ZNF804B: variants seen among roughly 807,000 people sequenced by gnomAD.
ZNF804B encodes zinc finger 804B.
A neutral mutation model predicts 101.4 loss-of-function variants in ZNF804B; 80 were observed. That is an observed-to-expected ratio of 0.79 (90% CI 0.66 to 0.95). The LOEUF (loss-of-function observed/expected upper bound fraction) is 0.95. ZNF804B is among the 40% of genes least tolerant of loss of function. The pLI, the probability that ZNF804B is intolerant of heterozygous loss-of-function variation, is 0.00. For synonymous variants in ZNF804B, 622 were observed against 558.8 expected, an observed-to-expected ratio of 1.11 and a Z score of -1.59; for missense variants, 1,673 against 1,561.9, an observed-to-expected ratio of 1.07 and a Z score of -1.20.
intron 1 of ZNF804B, among the ~76,000 whole-genome samples, chr7:88,934,898 T>C (rs370513725): frequency 1.5e-3 from 222 of 151,962 alleles, no homozygotes; most frequent in African/African-American, 5.1e-3. Context: ...GAGGAAAATA[T>C]ATTGTTATAC....
At chr7:88,765,058 G>C (rs1789959256) in intron 1 of ZNF804B, among the ~76,000 whole-genome samples, 1 of 151,910 alleles carries the variant, frequency 6.6e-6, no homozygotes, top group African/African-American at 2.4e-5. Context: ...ATGCTAGTTG[G>C]TACCTTCCAG....
At chr7:89,250,805 G>A (rs995914616) in intron 2 of ZNF804B, among the ~76,000 whole-genome samples, 1 of 152,118 alleles carries the variant, frequency 6.6e-6, no homozygotes, top group Non-Finnish European at 1.5e-5. Context: ...ATCAATAAAT[G>A]TGATTCACCA....
intron 1 of ZNF804B, among the ~76,000 whole-genome samples, chr7:89,095,752 T>A (rs1789963043): frequency 6.6e-6 from 1 of 152,210 alleles, no homozygotes; most frequent in Non-Finnish European, 1.5e-5. Context: ...TTTACATTTG[T>A]TTCCTGTTAA....
intron 1 of ZNF804B, among the ~76,000 whole-genome samples, chr7:89,033,763 CTAAT>C (rs142270620): frequency 0.037 from 5,592 of 151,672 alleles, 329 homozygotes; most frequent in African/African-American, 0.13. Flanking sequence ...GTTCTAAAAA[CTAAT>C]TAGGGTTAAA....
chr7:89,074,499 C>T (rs534883882), intron 1 of ZNF804B, among the ~76,000 whole-genome samples: 2 of 152,108 alleles, frequency 1.3e-5, no homozygotes, highest in Non-Finnish European at 2.9e-5. Context: ...CTTTGCCTGC[C>T]CTCATCCATG....
chr7:88,890,445 T>C, intron 1 of ZNF804B, among the ~76,000 whole-genome samples: 1 of 152,160 alleles, frequency 6.6e-6, no homozygotes, highest in Admixed American at 6.5e-5. Context: ...GCTTTGTAAA[T>C]TGCCAAAATG....
At chr7:89,220,179 G>GGA (rs138534035) in intron 2 of ZNF804B, among the ~76,000 whole-genome samples, 1 of 45,214 alleles carries the variant, frequency 2.2e-5, no homozygotes, top group African/African-American at 9.9e-5. Context: ...ATATATGTGT[G>GGA]TATATATATA....
intron 1 of ZNF804B, among the ~76,000 whole-genome samples, chr7:89,109,139 T>C (rs1488731164): frequency 1.3e-5 from 2 of 150,988 alleles, no homozygotes; most frequent in Non-Finnish European, 3.0e-5. Flanking sequence ...GCATTACTTG[T>C]AATTACCAGG....
intron 1 of ZNF804B, among the ~76,000 whole-genome samples, chr7:88,854,522 C>CTTTCCT (rs71526619): frequency 4.8e-4 from 27 of 56,184 alleles, no homozygotes; most frequent in African/African-American, 1.5e-3. Flanking sequence ...CTTTCCTTTC[C>CTTTCCT]TTCCTTTCCT....
intron 1 of ZNF804B, among the ~76,000 whole-genome samples, chr7:89,184,636 T>A (rs1788348834): frequency 6.6e-6 from 1 of 152,170 alleles, no homozygotes; most frequent in Non-Finnish European, 1.5e-5. Context: ...CAGAAATGGA[T>A]TTGATCACTG....
intron 1 of ZNF804B, among the ~76,000 whole-genome samples, chr7:88,804,164 G>A (rs541305679): frequency 6.6e-6 from 1 of 152,260 alleles, no homozygotes; most frequent in East Asian, 1.9e-4. Flanking sequence ...CAAGCATTGA[G>A]TGGATCAAAG....
At chr7:88,942,858 T>C (rs1450684449) in intron 1 of ZNF804B, among the ~76,000 whole-genome samples, 1 of 151,918 alleles carries the variant, frequency 6.6e-6, no homozygotes, top group Non-Finnish European at 1.5e-5. Context: ...CTGAGTATCT[T>C]ATGGCACTGA....
intron 1 of ZNF804B, among the ~76,000 whole-genome samples, chr7:88,810,494 G>T (rs1790767405): frequency 6.8e-6 from 1 of 146,496 alleles, no homozygotes. Context: ...CTCTACAAAA[G>T]TCCAAAAAAA....
At chr7:88,833,666 A>G (rs1299205446) in intron 1 of ZNF804B, among the ~76,000 whole-genome samples, 2 of 151,934 alleles carry the variant, frequency 1.3e-5, no homozygotes, top group Non-Finnish European at 1.5e-5. Flanking sequence ...TTGTTTTATT[A>G]TTAACTTAAT....
At position 89,015,307 on chromosome 7, in the gene ZNF804B, CT is replaced by C. The variant is rs1026927722; in HGVS notation, c.109-202839del. Among the ~76,000 whole-genome samples, 197 of 148,038 alleles carry C rather than the reference CT, an allele frequency of 1.3e-3. 1 individual carries two copies. The highest frequency in any genetic ancestry group is 4.1e-3 in the African/African-American group (166 of 40,308). On this transcript the variant is annotated intron_variant, in intron 1 of 3. Coordinates refer to ENST00000333190, the MANE Select transcript of ZNF804B (RefSeq NM_181646.5). Reference sequence around the variant, plus strand: ...ATGACTGTAGCTTTGTTTCTTTTTTCTTTTTTTTTAATTATTTTATTTTTAT... The same window carrying C: ...ATGACTGTAGCTTTGTTTCTTTTTTCTTTTTTTTAATTATTTTATTTTTAT...
At chr7:89,059,699 A>T (rs1035678609) in intron 1 of ZNF804B, among the ~76,000 whole-genome samples, 1 of 152,290 alleles carries the variant, frequency 6.6e-6, no homozygotes, top group Admixed American at 6.5e-5. Flanking sequence ...AGACATATGT[A>T]TGCATACCAA....
chr7:89,061,682 C>T (rs1419923367), intron 1 of ZNF804B, among the ~76,000 whole-genome samples: 1 of 152,012 alleles, frequency 6.6e-6, no homozygotes, highest in East Asian at 1.9e-4. Flanking sequence ...AGTTTCATTT[C>T]ATAAGTTTTA....
Position 89,077,086 on chromosome 7 carries a change from G to GAAGCGCTATCTACACAGCCAATGTAGA in ZNF804B, c.109-141068_109-141067insAGCGCTATCTACACAGCCAATGTAGAA, listed in dbSNP as rs144602940. 2.6e-5 allele frequency among the ~76,000 whole-genome samples: 4 copies of GAAGCGCTATCTACACAGCCAATGTAGA among 152,066 alleles called. No individual in the cohort carries two copies. In the East Asian group the frequency reaches 7.8e-4, roughly 30 times the overall value. On this transcript the variant is annotated intron_variant, in intron 1 of 3. Transcript: ENST00000333190. ...GGAGGATATCTGAAACAGTGATGAT[G>GAAGCGCTATCTACACAGCCAATGTAGA]ATGTTCCCTTGATGTTGCTTTCCCT...
Position 89,335,959 on chromosome 7 carries a change from C to A in ZNF804B, c.2977C>A (p.Gln993Lys), listed in dbSNP as rs1442205419. 6.2e-7 allele frequency: 1 copy of A among 1,613,978 alleles called. No homozygotes were observed. The highest frequency in any genetic ancestry group is 8.5e-7 in the Non-Finnish European group (1 of 1,179,980). ...GTATGCAAGTGAGAGCAGAAATGAT[C>A]AAGACAGTGCAATTCCAAGGACTAC... ...IQYASESRND[Q>K]DSAIPRTTEK... Residue 993 changes from glutamine to lysine, a missense_variant, in exon 4 of 4, where the codon CAA becomes AAA. Transcript: ENST00000333190.
Sources: allele counts gnomAD v4.1 joint callset (sites outside exome capture counted in the v4.1 genomes callset), GRCh38; gene constraint gnomAD v4.1.1; transcripts MANE v1.5; gene names NCBI Gene and HGNC (gene_info 2026-07-23, HGNC 2026-07-21).